The following NRG3 variants were observed in gnomAD, a reference collection of about 807,000 sequenced individuals.
NRG3 encodes the protein pro-neuregulin-3, membrane-bound isoform.
In NRG3, 31 loss-of-function variants were observed where a neutral mutation model predicts 66.9. The ratio of observed to expected loss-of-function variants is 0.46; its 90% confidence interval spans 0.35 to 0.63. The LOEUF is 0.63. Ranked by LOEUF, NRG3 falls within the 20% of genes least tolerant of loss-of-function variation. The pLI, the probability that NRG3 is intolerant of heterozygous loss-of-function variation, is 0.00. For missense variants in NRG3, 910 were observed against 878.9 expected (o/e 1.04, Z -0.45); for synonymous variants, 393 against 359.4 (o/e 1.09, Z -1.06).
At chr10:82,128,000 T>C (rs1198619544) in intron 1 of NRG3, among the ~76,000 whole-genome samples, 4 of 151,890 alleles carry the variant, frequency 2.6e-5, no homozygotes, top group Admixed American at 1.3e-4. Context: ...GTACTGAAAA[T>C]TTACAAATGG....
intron 1 of NRG3, among the ~76,000 whole-genome samples, chr10:82,255,533 G>C (rs2077677124): frequency 1.3e-5 from 2 of 152,084 alleles, no homozygotes; most frequent in African/African-American, 4.8e-5. Flanking sequence ...ACTGGGTGTG[G>C]AGTATGAGGA....
At chr10:82,824,295 T>A (rs2135596334) in intron 3 of NRG3, among the ~76,000 whole-genome samples, 1 of 152,378 alleles carries the variant, frequency 6.6e-6, no homozygotes, top group South Asian at 2.1e-4. Flanking sequence ...ATCTTTCCTC[T>A]TTTTGATTAT....
chr10:81,940,421 A>G (rs1050906966), intron 1 of NRG3, among the ~76,000 whole-genome samples: 1 of 152,040 alleles, frequency 6.6e-6, no homozygotes, highest in Non-Finnish European at 1.5e-5. Context: ...TCATAGCTCA[A>G]TGCAGCCTTG....
chr10:82,976,215 C>T (rs532830946), intron 7 of NRG3, among the ~76,000 whole-genome samples: 33 of 151,986 alleles, frequency 2.2e-4, no homozygotes, highest in East Asian at 5.8e-4. Context: ...GCTACCATGC[C>T]GGGCTAATTT....
At chr10:82,333,560 A>T (rs572323275) in intron 1 of NRG3, among the ~76,000 whole-genome samples, 1 of 152,170 alleles carries the variant, frequency 6.6e-6, no homozygotes, top group African/African-American at 2.4e-5. Flanking sequence ...TCCTTGTAGT[A>T]TGTCTTGTCA....
intron 1 of NRG3, among the ~76,000 whole-genome samples, chr10:81,970,368 T>C (rs1450634362): frequency 2.6e-5 from 4 of 152,186 alleles, no homozygotes; most frequent in Admixed American, 6.5e-5. Context: ...AAGTGCAAAA[T>C]AATTGCAACA....
At chr10:82,423,295 A>T (rs567579107) in intron 2 of NRG3, among the ~76,000 whole-genome samples, 1 of 152,136 alleles carries the variant, frequency 6.6e-6, no homozygotes, top group African/African-American at 2.4e-5. Flanking sequence ...TTATACTAGC[A>T]TGTTAGCTTA....
At chr10:82,972,497 C>T (rs150820552) in intron 6 of NRG3, among the ~76,000 whole-genome samples, 38 of 152,198 alleles carry the variant, frequency 2.5e-4, no homozygotes, top group African/African-American at 7.5e-4. Context: ...CATTTTTCTT[C>T]GGTTAGAACT....
chr10:82,601,566 G>A (rs1011942017), intron 2 of NRG3, among the ~76,000 whole-genome samples: 1 of 151,354 alleles, frequency 6.6e-6, no homozygotes, highest in Non-Finnish European at 1.5e-5. Context: ...ACCTCTACTG[G>A]CAATCTATTA....
chr10:82,016,691 A>G (rs2061801962), intron 1 of NRG3, among the ~76,000 whole-genome samples: 1 of 152,094 alleles, frequency 6.6e-6, no homozygotes, highest in African/African-American at 2.4e-5. Context: ...GTGAAAAGTA[A>G]TGAGGTCTGC....
chr10:82,123,254 A>C (rs1299203736), intron 1 of NRG3, among the ~76,000 whole-genome samples: 1 of 152,028 alleles, frequency 6.6e-6, no homozygotes, highest in African/African-American at 2.4e-5. Context: ...TCAACAGATA[A>C]AAATACTAGT....
At chr10:82,239,776 TA>T (rs2076927140) in intron 1 of NRG3, among the ~76,000 whole-genome samples, 1 of 152,178 alleles carries the variant, frequency 6.6e-6, no homozygotes. Context: ...TTTAGATTTT[TA>T]TTCCACCTTT....
intron 2 of NRG3, among the ~76,000 whole-genome samples, chr10:82,602,390 G>A (rs1404327763): frequency 6.6e-6 from 1 of 151,900 alleles, no homozygotes; most frequent in Non-Finnish European, 1.5e-5. Flanking sequence ...TTAATTTCAG[G>A]GAAGATGTAA....
At chr10:82,397,741 A>G (rs1461377758) in intron 2 of NRG3, among the ~76,000 whole-genome samples, 2 of 152,172 alleles carry the variant, frequency 1.3e-5, no homozygotes, top group Non-Finnish European at 2.9e-5. Flanking sequence ...GGCTAAACCA[A>G]TATTTTTCTT....
intron 2 of NRG3, among the ~76,000 whole-genome samples, chr10:82,550,555 C>G (rs144451874): frequency 6.6e-6 from 1 of 152,228 alleles, no homozygotes; most frequent in Non-Finnish European, 1.5e-5. Flanking sequence ...TACATTGCAG[C>G]TGCACCTCTC....
chr10:82,335,677 G>T (rs776175014), intron 1 of NRG3, among the ~76,000 whole-genome samples: 4 of 152,056 alleles, frequency 2.6e-5, no homozygotes, highest in African/African-American at 4.8e-5. Flanking sequence ...ACAAAAAAAA[G>T]AAGTTAAGAA....
At chr10:82,308,413 T>C (rs932153889) in intron 1 of NRG3, among the ~76,000 whole-genome samples, 2 of 152,116 alleles carry the variant, frequency 1.3e-5, no homozygotes, top group African/African-American at 4.8e-5. Context: ...GATGGGGCTC[T>C]CTGAGATTTT....
intron 1 of NRG3, among the ~76,000 whole-genome samples, chr10:82,309,045 C>G (rs2080890997): frequency 6.6e-6 from 1 of 152,192 alleles, no homozygotes; most frequent in Admixed American, 6.5e-5. Flanking sequence ...ATGATACCAT[C>G]ATTTTTCTTC....
chr10:81,963,124 TC>T (rs548398973), intron 1 of NRG3, among the ~76,000 whole-genome samples: 1 of 129,498 alleles, frequency 7.7e-6, no homozygotes, highest in Non-Finnish European at 1.6e-5. Flanking sequence ...CCACGAGGGC[TC>T]TTTTTTTTTT....
Sources: gnomAD v4.1 joint callset for allele counts (sites outside exome capture counted in the v4.1 genomes callset) on GRCh38, gnomAD v4.1.1 for gene constraint, MANE v1.5 for transcripts, NCBI Gene and HGNC (gene_info 2026-07-23, HGNC 2026-07-21) for gene names.